The following BRSK2 variants were observed in gnomAD, a reference collection of about 807,000 sequenced individuals.
BRSK2 encodes BR serine/threonine kinase 2.
In BRSK2, 19 loss-of-function variants were observed where a neutral mutation model predicts 83.3. The ratio of observed to expected loss-of-function variants is 0.23; its 90% CI spans 0.16 to 0.33. The LOEUF (loss-of-function observed/expected upper bound fraction) is 0.33, where lower values mean the gene tolerates loss of function less well. Ranked by LOEUF, BRSK2 falls within the 10% of genes least tolerant of loss-of-function variation. The pLI is 1.00. For synonymous variants in BRSK2, 519 were observed against 435.4 expected (o/e 1.19, Z -2.39); for missense variants, 798 against 1,042.3 (o/e 0.77, Z 3.23).
chr11:1,450,498 C>G, intron 13 of BRSK2, 89 bp from the exon 14 acceptor site: 1 of 649,468 alleles, frequency 1.5e-6, no homozygotes. Context: ...CAGCTGGCAC[C>G]ACCCCTGGGC....
At position 1,402,950 on chromosome 11, in the gene BRSK2, G is replaced by A. The variant is rs564812585; in HGVS notation, c.91+12575G>A. 2.4e-4 allele frequency among the ~76,000 whole-genome samples: 36 copies of A among 152,234 alleles called. 1 individual carries two copies. Among genetic ancestry groups the A allele is most frequent in the Middle Eastern group, 3.4e-3 (1 of 292 alleles). On this transcript the variant is annotated intron_variant, in intron 1 of 19. Transcript: ENST00000528841. The stretch of plus-strand genomic sequence containing the variant: ...AATCCCCGGGGATTTGTGACTCATC[G>A]TAAAGTGCACAGATGAGCGCCCTCT...
chr11:1,460,169 G>A (rs909309703), intron 19 of BRSK2, among the ~76,000 whole-genome samples: 4 of 152,108 alleles, frequency 2.6e-5, no homozygotes, highest in African/African-American at 7.2e-5. Context: ...CCCGAGCCTC[G>A]CTTCGCCAAA....
chr11:1,399,858 C>A (rs886547250), intron 1 of BRSK2, among the ~76,000 whole-genome samples: 3 of 151,994 alleles, frequency 2.0e-5, no homozygotes, highest in Non-Finnish European at 2.9e-5. Context: ...CTGTGGTTCC[C>A]GAGGCTTTTC....
At chr11:1,451,226 TG>T in intron 14 of BRSK2, 144 bp from the exon 15 acceptor site, 1 of 902,980 alleles carries the variant, frequency 1.1e-6, no homozygotes. Context: ...GGCCGGGAGC[TG>T]GGGTGGACCA....
At chr11:1,400,607 G>A (rs1590315775) in intron 1 of BRSK2, among the ~76,000 whole-genome samples, 1 of 152,248 alleles carries the variant, frequency 6.6e-6, no homozygotes, top group Middle Eastern at 3.4e-3. Context: ...CCCGCCTGGG[G>A]ACACACATGC....
intron 18 of BRSK2, among the ~76,000 whole-genome samples, chr11:1,457,203 C>G (rs1005295584): frequency 6.6e-6 from 1 of 152,170 alleles, no homozygotes; most frequent in Non-Finnish European, 1.5e-5. Context: ...GCTAGGGCAG[C>G]CTGCACAGGA....
intron 1 of BRSK2, among the ~76,000 whole-genome samples, chr11:1,414,830 G>A (rs188791635): frequency 1.6e-3 from 240 of 152,274 alleles, no homozygotes; most frequent in African/African-American, 5.2e-3. Flanking sequence ...GTCCGTCTGC[G>A]TCTGGCTTCC....
chr11:1,429,107 CGGTGTGTGGGTGTGTGCACTG>C (rs1849616465), intron 1 of BRSK2, among the ~76,000 whole-genome samples: 1 of 114,822 alleles, frequency 8.7e-6, no homozygotes, highest in African/African-American at 3.5e-5. Flanking sequence ...TGTGTGCACT[CGGTGTGTGGGTGTGTGCACTG>C]GGTGTGTGTG....
At chr11:1,442,676 T>G (rs370405075) in intron 5 of BRSK2, 70 bp downstream of exon 5, 6 of 1,319,692 alleles carry the variant, frequency 4.5e-6, no homozygotes, top group East Asian at 4.7e-5. Flanking sequence ...GCCAGTGGAC[T>G]GAGAGGCCCC....
rs374832566 is a variant in BRSK2 at position 1,450,613 on chromosome 11, C to A, written c.1314C>A (p.Gly438=). ...PRVTPHPSPR[G]SPLPTPKGTP... ...TGACCCCTCACCCCTCACCAAGGGG[C>A]AGTCCCCTCCCCACCCCCAAGGGGA... Residue 438 remains glycine, a synonymous_variant, in exon 14 of 20, where the codon GGC becomes GGA. Coordinates refer to ENST00000528841, the MANE Select transcript of BRSK2 (RefSeq NM_001256627.2). 2.8e-5 allele frequency: 44 copies of A among 1,592,194 alleles called. No individual in the cohort carries two copies. Among genetic ancestry groups the A allele is most frequent in the Non-Finnish European group, 3.5e-5 (41 of 1,171,312 alleles).
chr11:1,446,846 G>T (rs1852207474), intron 12 of BRSK2, among the ~76,000 whole-genome samples: 1 of 152,190 alleles, frequency 6.6e-6, no homozygotes, highest in African/African-American at 2.4e-5. Flanking sequence ...TCTCTGGTCT[G>T]CCCTGTGATC....
Position 1,451,371 on chromosome 11 carries a change from T to G in BRSK2, c.1496T>G (p.Val499Gly). ...CCTCCTGTTCATCCTGTGTGCACAG[T>G]TCCGACGCCGGAGGAGATGTCCAAC... ...SPRFHRRKLQVPTPEEMSNLT... is the reference protein window; with the variant it reads ...SPRFHRRKLQGPTPEEMSNLT... The change falls in exon 15 of 20, where the codon GTT (valine) becomes GGT (glycine). Residue 499 changes from valine (V) to glycine (G), a missense_variant and splice_region_variant. Physicochemically the swap from Val to Gly is moderately radical, Grantham distance 109 (BLOSUM62 -3). This residue lies in a region of BRSK2 where 455 missense variants were observed against 455.2 expected (regional missense o/e 1.00). Coordinates refer to ENST00000528841, the MANE Select transcript of BRSK2 (RefSeq NM_001256627.2). The G allele has an allele frequency of 1.2e-6, 2 of 1,612,932 alleles. No individual in the cohort carries two copies. Among genetic ancestry groups the G allele is most frequent in the Non-Finnish European group, 1.7e-6 (2 of 1,179,860 alleles).
chr11:1,402,623 A>C (rs1022682093), intron 1 of BRSK2, among the ~76,000 whole-genome samples: 34 of 141,882 alleles, frequency 2.4e-4, no homozygotes, highest in Non-Finnish European at 3.5e-4. Flanking sequence ...GGAGCTCCCC[A>C]CACACAGGAG....
At position 1,454,546 on chromosome 11, in the gene BRSK2, G is replaced by C. The variant is rs751810457; in HGVS notation, c.1606G>C (p.Val536Leu). Residue 536 changes from valine (V) to leucine (L), a missense_variant, in exon 16 of 20, where the codon GTG becomes CTG. By Grantham distance (32) the Val-to-Leu change is conservative (BLOSUM62 1). Transcript: ENST00000528841. This position sits in a 1 kb window ranked among gnomAD's most constrained non-coding sequence, Gnocchi z 5.2. ...ISLEKEEQIF[V>L]VIKDKPLSSI... ...CCTGGAGAAGGAGGAGCAGATCTTC[G>C]TGGTCATCAAAGACAAACCTCTGAG... is the stretch of plus-strand genomic sequence containing the variant. The C allele has an allele frequency of 6.2e-7, 1 of 1,613,260 alleles. No homozygotes were observed. The highest frequency in any genetic ancestry group is 8.5e-7 in the Non-Finnish European group (1 of 1,179,962).
intron 1 of BRSK2, among the ~76,000 whole-genome samples, chr11:1,425,859 G>T (rs1849152395): frequency 6.6e-6 from 1 of 152,186 alleles, no homozygotes; most frequent in Admixed American, 6.5e-5. Context: ...GAGGTGTGGG[G>T]CAGGGGAGGG....
At chr11:1,413,704 G>A (rs1847804010) in intron 1 of BRSK2, among the ~76,000 whole-genome samples, 1 of 152,190 alleles carries the variant, frequency 6.6e-6, no homozygotes, top group Admixed American at 6.5e-5. Flanking sequence ...GGCGGGGCCT[G>A]GGCAGAACGG....
In BRSK2 at chr11:1,460,481, C is replaced by CTTTTTTTTTTTTTTTTTTTTTTTTTTT; in HGVS notation, c.1988-18_1988-17insTTTTTTTTTTTTTTTTTTTTTTTTTTT. On this transcript the variant is annotated intron_variant, in intron 19 of 19. Transcript: ENST00000528841. ...TTTTCCTTTTTTTTTTTTTTTTTGT[C>CTTTTTTTTTTTTTTTTTTTTTTTTTTT]TCTGTTCTGTGTACCCAGGCAGCCC... The CTTTTTTTTTTTTTTTTTTTTTTTTTTT allele has an allele frequency of 1.2e-6, 1 of 809,158 alleles. No individual in the cohort carries two copies. Among genetic ancestry groups the CTTTTTTTTTTTTTTTTTTTTTTTTTTT allele is most frequent in the South Asian group, 3.8e-5 (1 of 26,130 alleles). 50.1% of individuals were successfully genotyped at this position (809,158 alleles called of 1,614,324 possible). A position where few individuals can be genotyped will look rare whatever the true frequency, so the allele number is the denominator to read the frequency against.
rs769136628 is a variant in BRSK2, at chr11:1,436,108, A to G, written c.160A>G (p.Lys54Glu). Residue 54 changes from lysine to glutamate, a missense_variant, in exon 2 of 20, where the codon AAG becomes GAG. Around this residue, in one of 6 missense-constraint regions of BRSK2, gnomAD observed 109 missense variants for 259.2 expected, o/e 0.42. Coordinates refer to ENST00000528841, the MANE Select transcript of BRSK2 (RefSeq NM_001256627.2). ...GGCCATCAAGATCGTCAACCGTGAG[A>G]AGCTCAGCGAGTCGGTGCTGATGAA... ...KVAIKIVNRE[K>E]LSESVLMKVE... is the part of the protein sequence containing the mutation. 3.9e-6 allele frequency: 6 copies of G among 1,542,030 alleles called. No homozygotes were observed. The highest frequency in any genetic ancestry group is 5.3e-6 in the Non-Finnish European group (6 of 1,136,642).
intron 8 of BRSK2, among the ~76,000 whole-genome samples, chr11:1,444,130 A>G (rs76432973): frequency 0.027 from 4,125 of 152,138 alleles, 132 homozygotes; most frequent in African/African-American, 0.08. Context: ...AGACCTGGCT[A>G]TAAGTTACAC....
Sources: allele counts gnomAD v4.1 joint callset (sites outside exome capture counted in the v4.1 genomes callset), GRCh38; gene constraint gnomAD v4.1.1; regional missense constraint gnomAD v4.1.1; non-coding constraint Gnocchi (gnomAD v3.1); transcripts MANE v1.5; gene names NCBI Gene and HGNC (gene_info 2026-07-23, HGNC 2026-07-21).